QRSL1: variants seen among roughly 807,000 people sequenced by gnomAD.
QRSL1 encodes glutaminyl-tRNA amidotransferase subunit QRSL1, also known as glutamyl-tRNA(Gln) amidotransferase subunit A, mitochondrial.
QRSL1 carries 54 observed loss-of-function variants against 61.6 expected under a neutral mutation model. That is an observed-to-expected ratio of 0.88 (90% confidence interval 0.70 to 1.10). QRSL1 has a LOEUF of 1.10. Among genes scored for constraint, QRSL1 ranks in the 50% least tolerant of loss-of-function variants. The pLI is 0.00. For synonymous variants in QRSL1, 228 were observed against 225.7 expected, an observed-to-expected ratio of 1.01 and a Z score of -0.09; for missense variants, 505 against 622.6, an observed-to-expected ratio of 0.81 and a Z score of 2.01.
At chr6:106,631,714 A>C (rs1776836712) in intron 1 of QRSL1, among the ~76,000 whole-genome samples, 1 of 152,232 alleles carries the variant, frequency 6.6e-6, no homozygotes, top group Admixed American at 6.5e-5. Context: ...TATGGGGCAC[A>C]TGAGATATTT....
In QRSL1 at chr6:106,652,522, T is replaced by G; in HGVS notation, c.789T>G (p.Asn263Lys). Residue 263 changes from asparagine (N) to lysine (K), a missense_variant, in exon 7 of 11, where the codon AAT becomes AAG. Transcript: ENST00000369046. ...CTACCACAGTACATGAACCTATTAA[T>G]AAACCATTCATGCTTCCCAGTTTGG... ...RDSTTVHEPI[N>K]KPFMLPSLAD... 6.2e-7 allele frequency: 1 copy of G among 1,614,238 alleles called. No individual in the cohort carries two copies. Among genetic ancestry groups the G allele is most frequent in the South Asian group, 1.1e-5 (1 of 91,086 alleles).
chr6:106,657,408 A>T (rs1451392588), intron 9 of QRSL1, among the ~76,000 whole-genome samples: 1 of 152,246 alleles, frequency 6.6e-6, no homozygotes, highest in East Asian at 1.9e-4. Context: ...TAAGCTAAAG[A>T]TATTACTTTT....
chr6:106,633,500 C>G (rs1341508490), intron 1 of QRSL1, among the ~76,000 whole-genome samples: 1 of 151,964 alleles, frequency 6.6e-6, no homozygotes, highest in Admixed American at 6.6e-5. Flanking sequence ...ATGATGGCAG[C>G]AATTTGGGGG....
At chr6:106,642,867 T>C in intron 3 of QRSL1, 127 bp from the exon 4 acceptor site, 1 of 797,256 alleles carries the variant, frequency 1.3e-6, no homozygotes, top group South Asian at 1.5e-5. Flanking sequence ...GCGCACTGTG[T>C]GAGAACCAAT....
chr6:106,648,793 T>C (rs1777151926), intron 4 of QRSL1, among the ~76,000 whole-genome samples: 1 of 152,210 alleles, frequency 6.6e-6, no homozygotes, highest in South Asian at 2.1e-4. Context: ...AAATCTTTTC[T>C]TAGCAGATTA....
intron 5 of QRSL1, among the ~76,000 whole-genome samples, chr6:106,651,960 G>A (rs894523276): frequency 2.0e-5 from 3 of 151,926 alleles, no homozygotes; most frequent in Admixed American, 6.6e-5. Flanking sequence ...TTATCTCAAC[G>A]GTGAAAAAAA....
At position 106,641,300 on chromosome 6, in the gene QRSL1, C is replaced by T. The variant is rs145439298; in HGVS notation, c.283+379C>T. On this transcript the variant is annotated intron_variant, in intron 3 of 10. Coordinates refer to ENST00000369046, the MANE Select transcript of QRSL1 (RefSeq NM_018292.5). ...ATAGTGAGACCTCATCTCTAAAAAACGAAATAAAAAAACTGATTACCATAA... is the reference window on the plus strand; with the variant it reads ...ATAGTGAGACCTCATCTCTAAAAAATGAAATAAAAAAACTGATTACCATAA... 1.2e-3 allele frequency among the ~76,000 whole-genome samples: 187 copies of T among 152,156 alleles called. 2 individuals carry two copies. The highest frequency in any genetic ancestry group is 4.2e-3 in the African/African-American group (175 of 41,530).
At chr6:106,655,337 T>G (rs1419291009) in intron 8 of QRSL1, among the ~76,000 whole-genome samples, 2 of 151,998 alleles carry the variant, frequency 1.3e-5, no homozygotes, top group African/African-American at 4.8e-5. Flanking sequence ...CCCTAAACTT[T>G]AGTATTGGTG....
chr6:106,634,073 G>C lies in QRSL1; in HGVS notation c.24+4368G>C, dbSNP rs1776881636. Among the ~76,000 whole-genome samples, 4 of 152,252 alleles carry C rather than the reference G, an allele frequency of 2.6e-5. No individual in the cohort carries two copies. In the South Asian group the frequency reaches 8.3e-4, roughly 32 times the overall value. On this transcript the variant is annotated intron_variant, in intron 1 of 10. Coordinates refer to ENST00000369046, the MANE Select transcript of QRSL1 (RefSeq NM_018292.5). ...CATTTTAGCTAGAGTGGTCAGGGAA[G>C]ATTTCTCTGATTGAGTGAATAATAC... is the stretch of plus-strand genomic sequence containing the variant.
At chr6:106,656,180 A>G (rs9400043) in intron 9 of QRSL1, among the ~76,000 whole-genome samples, 12,761 of 152,248 alleles carry the variant, frequency 0.084, 591 homozygotes, top group East Asian at 0.11. Flanking sequence ...ACCATTTTAT[A>G]TGAGACTTGA....
At chr6:106,636,841 T>C (rs921584358) in intron 1 of QRSL1, among the ~76,000 whole-genome samples, 2 of 152,218 alleles carry the variant, frequency 1.3e-5, no homozygotes, top group African/African-American at 2.4e-5. Flanking sequence ...CTTCCTTTAC[T>C]TTCTAAGAAG....
At chr6:106,650,780 C>T (rs1777178158) in intron 5 of QRSL1, among the ~76,000 whole-genome samples, 1 of 152,162 alleles carries the variant, frequency 6.6e-6, no homozygotes. Context: ...TACTGCATGT[C>T]TGGATGAATG....
intron 10 of QRSL1, among the ~76,000 whole-genome samples, chr6:106,663,770 A>T (rs1311998027): frequency 6.6e-6 from 1 of 151,996 alleles, no homozygotes; most frequent in African/African-American, 2.4e-5. Flanking sequence ...ATGCACTCTC[A>T]CCACACACAC....
chr6:106,638,738 T>C (rs1776962111), intron 1 of QRSL1, among the ~76,000 whole-genome samples: 1 of 152,178 alleles, frequency 6.6e-6, no homozygotes, highest in Non-Finnish European at 1.5e-5. Context: ...GAAGTCCTTT[T>C]CCTCTTGTCG....
At position 106,639,134 on chromosome 6, in the gene QRSL1, T is replaced by TTG. The variant is rs71012722; in HGVS notation, c.25-1214_25-1213insGT. 8.9e-4 allele frequency among the ~76,000 whole-genome samples: 121 copies of TTG among 135,830 alleles called. 1 individual carries two copies. Among genetic ancestry groups the TTG allele is most frequent in the African/African-American group, 2.6e-3 (89 of 34,844 alleles). 89.1% of individuals were successfully genotyped at this position (135,830 alleles called of 152,430 possible). On this transcript the variant is annotated intron_variant, in intron 1 of 10. Coordinates refer to ENST00000369046, the MANE Select transcript of QRSL1 (RefSeq NM_018292.5). ...GTGTTTTGTTGTTTTTTTTTTTTTT[T>TTG]TTTTTTTTTTTTGACAGAGTCTGGC...
chr6:106,663,211 AT>A (rs1355770091), intron 10 of QRSL1, 26 bp downstream of exon 10: 1 of 1,605,234 alleles, frequency 6.2e-7, no homozygotes, highest in Non-Finnish European at 8.5e-7. Flanking sequence ...GAACATTCTG[AT>A]TTTCTTCAAA....
In QRSL1 at chr6:106,649,056, G is replaced by A. The variant is rs1214146685; in HGVS notation, c.412G>A (p.Val138Ile). The A allele has an allele frequency of 6.2e-7, 1 of 1,613,574 alleles. No homozygotes were observed. Among genetic ancestry groups the A allele is most frequent in the African/African-American group, 1.3e-5 (1 of 74,928 alleles). ...SGSTDGVFGPVKNPWSYSKQY... is the reference protein window; with the variant it reads ...SGSTDGVFGPIKNPWSYSKQY... ...GAGCACAGATGGTGTATTTGGACCA[G>A]TTAAAAACCCCTGGAGTTATTCAAA... is the stretch of plus-strand genomic sequence containing the variant. Residue 138 changes from valine (V) to isoleucine (I), a missense_variant, in exon 5 of 11, where the codon GTT (valine) becomes ATT (isoleucine). Transcript: ENST00000369046.
At chr6:106,632,063 T>C (rs1180811690) in intron 1 of QRSL1, among the ~76,000 whole-genome samples, 1 of 152,186 alleles carries the variant, frequency 6.6e-6, no homozygotes. Context: ...ACATGGGAAG[T>C]TTGTCTTTCT....
At chr6:106,637,563 G>C (rs1399723998) in intron 1 of QRSL1, among the ~76,000 whole-genome samples, 1 of 152,084 alleles carries the variant, frequency 6.6e-6, no homozygotes, top group East Asian at 1.9e-4. Flanking sequence ...TGAGAGAAGA[G>C]GGAAGAGAAG....
Sources: allele counts gnomAD v4.1 joint callset (sites outside exome capture counted in the v4.1 genomes callset), GRCh38; gene constraint gnomAD v4.1.1; transcripts MANE v1.5; gene names NCBI Gene and HGNC (gene_info 2026-07-23, HGNC 2026-07-21).